Variants in ARHGEF10 observed in about 807,000 individuals in gnomAD.
The protein encoded by ARHGEF10 is Rho guanine nucleotide exchange factor 10, also known as Rho guanine nucleotide exchange factor (GEF) 10.
ARHGEF10 carries 140 observed loss-of-function variants against 147.4 expected under a neutral mutation model. The ratio of observed to expected loss-of-function variants is 0.95; its 90% CI spans 0.83 to 1.09. ARHGEF10 has a LOEUF of 1.09. Among genes scored for constraint, ARHGEF10 ranks in the 50% least tolerant of loss-of-function variants. ARHGEF10 has a pLI of 0.00. For synonymous variants in ARHGEF10, 902 were observed against 695.8 expected, an observed-to-expected ratio of 1.30 and a Z score of -4.67; for missense variants, 2,222 against 1,752.7, an observed-to-expected ratio of 1.27 and a Z score of -4.78.
At position 1,929,431 on chromosome 8, in the gene ARHGEF10, G is replaced by C. The variant is rs147809100; in HGVS notation, c.3067G>C (p.Ala1023Pro). The change falls in exon 25 of 29, where the codon GCC becomes CCC. Residue 1023 changes from alanine (A) to proline (P), a missense_variant. By Grantham distance (27) the Ala-to-Pro change is conservative. Coordinates refer to ENST00000349830, the MANE Select transcript of ARHGEF10 (RefSeq NM_014629.4). The part of the protein sequence containing the change: ...GLVNGAVASY[A>P]RAPDGSWDSE... ...GGTCAACGGGGCAGTCGCCAGCTAC[G>C]CCAGAGCCCCAGGTGAGGCGGGTCT... 54 of 1,608,562 alleles carry C rather than the reference G, an allele frequency of 3.4e-5. No individual in the cohort carries two copies. Among genetic ancestry groups the C allele is most frequent in the Non-Finnish European group, 4.2e-5 (50 of 1,177,464 alleles).
At chr8:1,907,076 G>A (rs894803517) in intron 17 of ARHGEF10, among the ~76,000 whole-genome samples, 2 of 152,190 alleles carry the variant, frequency 1.3e-5, no homozygotes, top group Non-Finnish European at 2.9e-5. Flanking sequence ...AGGAGCTGAC[G>A]GAGTGAGGCC....
chr8:1,844,684 G>C (rs961879744), intron 2 of ARHGEF10, among the ~76,000 whole-genome samples: 6 of 152,132 alleles, frequency 3.9e-5, no homozygotes, highest in African/African-American at 1.4e-4. Context: ...CGGTCTCCTT[G>C]CCTTTTTGTC....
In ARHGEF10 at chr8:1,876,706, C is replaced by T; in HGVS notation, c.815C>T (p.Ser272Phe). The change falls in exon 8 of 29, where the codon TCC becomes TTC. Residue 272 changes from serine (S) to phenylalanine (F), a missense_variant. Transcript: ENST00000349830. ...DSECKNGIPR[S>F]FLRSNHKKQL... is the part of the protein sequence containing the mutation. ...GAGTGCAAGAATGGGATTCCCAGGT[C>T]CTTCCTGCGCAGCAACCACAAAAAG... The T allele has an allele frequency of 1.2e-6, 2 of 1,614,158 alleles. No homozygotes were observed. Among genetic ancestry groups the T allele is most frequent in the African/African-American group, 1.3e-5 (1 of 75,042 alleles).
intron 4 of ARHGEF10, among the ~76,000 whole-genome samples, chr8:1,863,208 C>T (rs537596296): frequency 5.9e-5 from 9 of 152,132 alleles, no homozygotes; most frequent in African/African-American, 9.7e-5. Context: ...GAAGGTGGCC[C>T]GGAACACTGA....
chr8:1,880,983 G>A (rs1808142836), intron 9 of ARHGEF10, among the ~76,000 whole-genome samples: 1 of 152,212 alleles, frequency 6.6e-6, no homozygotes, highest in South Asian at 2.1e-4. Context: ...CCTGCAGGGT[G>A]TCTGATGGGA....
intron 13 of ARHGEF10, among the ~76,000 whole-genome samples, chr8:1,894,898 T>G (rs1809850052): frequency 6.6e-6 from 1 of 152,238 alleles, no homozygotes; most frequent in Admixed American, 6.5e-5. Flanking sequence ...TGAACAAGGA[T>G]GCCGTGTGTT....
At chr8:1,888,182 G>A (rs1449505917) in intron 11 of ARHGEF10, among the ~76,000 whole-genome samples, 5 of 67,764 alleles carry the variant, frequency 7.4e-5, no homozygotes, top group Middle Eastern at 7.6e-3. Flanking sequence ...AGTGAGTGGG[G>A]TGAGGGTTTG....
At chr8:1,837,048 G>A (rs753924394) in intron 1 of ARHGEF10, among the ~76,000 whole-genome samples, 8 of 152,222 alleles carry the variant, frequency 5.3e-5, no homozygotes, top group East Asian at 3.8e-4. Context: ...TATCAGCAGC[G>A]TGAAAGTGGA....
chr8:1,846,283 G>T (rs1804557367), intron 2 of ARHGEF10, among the ~76,000 whole-genome samples: 1 of 152,256 alleles, frequency 6.6e-6, no homozygotes, highest in Admixed American at 6.5e-5. Context: ...CAGTGCTCTG[G>T]CTTGGAAACT....
Position 1,889,725 on chromosome 8 carries a change from GTGAGGGTTGCGAGGAGACATTGAGTGGGA to G in ARHGEF10, c.1183-3834_1183-3806del, listed in dbSNP as rs1692176433. ...GGTTTGTGAGGAGACCCTGAGTGGA[GTGAGGGTTGCGAGGAGACATTGAGTGGGA>G]TGAGGGTTGTGAGGAGACACTGAGT... On this transcript the variant is annotated intron_variant, in intron 11 of 28. Coordinates refer to ENST00000349830, the MANE Select transcript of ARHGEF10 (RefSeq NM_014629.4). Among the ~76,000 whole-genome samples the G allele has an allele frequency of 5.2e-5, 6 of 115,214 alleles. 1 individual carries two copies. The highest frequency in any genetic ancestry group is 1.1e-4 in the Non-Finnish European group (6 of 55,318). The allele number at this position is 115,214 out of a possible 152,430, so 75.6% of individuals were successfully genotyped here.
At chr8:1,838,611 A>T (rs1803733734) in intron 1 of ARHGEF10, among the ~76,000 whole-genome samples, 1 of 152,220 alleles carries the variant, frequency 6.6e-6, no homozygotes. Context: ...AATATTTTTG[A>T]CTGAGGCTAA....
chr8:1,868,290 G>T (rs1287002386), intron 6 of ARHGEF10, among the ~76,000 whole-genome samples: 2 of 152,194 alleles, frequency 1.3e-5, no homozygotes, highest in Admixed American at 6.5e-5. Context: ...GTTCGGGTTT[G>T]TTGGTCTCAT....
intron 27 of ARHGEF10, among the ~76,000 whole-genome samples, chr8:1,947,161 C>T (rs1814656375): frequency 6.6e-6 from 1 of 152,128 alleles, no homozygotes; most frequent in Admixed American, 6.5e-5. Context: ...CCGTAATTGC[C>T]AAAGCACGCT....
At position 1,859,882 on chromosome 8, in the gene ARHGEF10, T is replaced by C. The variant is rs549270833; in HGVS notation, c.194-15T>C. ...TGGTGATGTGTCTGCTGACAAGTCC[T>C]TTCTGCATCCCCAGGAGGTGAGGAT... On this transcript the variant is annotated splice_polypyrimidine_tract_variant and intron_variant, in intron 3 of 28. Transcript: ENST00000349830. 9.3e-6 allele frequency: 15 copies of C among 1,613,910 alleles called. No individual in the cohort carries two copies. The highest frequency in any genetic ancestry group is 1.2e-5 in the Non-Finnish European group (14 of 1,180,006).
At chr8:1,877,686 C>G (rs1807823121) in intron 8 of ARHGEF10, among the ~76,000 whole-genome samples, 1 of 151,338 alleles carries the variant, frequency 6.6e-6, no homozygotes, top group Non-Finnish European at 1.5e-5. Flanking sequence ...GAGGCACCTC[C>G]CAGGTCTCGG....
intron 15 of ARHGEF10, among the ~76,000 whole-genome samples, chr8:1,902,693 G>C (rs1245172829): frequency 6.6e-6 from 1 of 152,170 alleles, no homozygotes; most frequent in African/African-American, 2.4e-5. Context: ...ACAGTCGCAG[G>C]AGGGCGTACC....
chr8:1,901,341 G>A (rs1478148276), intron 15 of ARHGEF10, among the ~76,000 whole-genome samples: 1 of 152,142 alleles, frequency 6.6e-6, no homozygotes, highest in Non-Finnish European at 1.5e-5. Context: ...CTCCGGTCTT[G>A]CCTGCGTTCT....
chr8:1,903,197 A>G (rs932975026), intron 15 of ARHGEF10, 84 bp from the exon 16 acceptor site: 6 of 1,540,382 alleles, frequency 3.9e-6, no homozygotes, highest in Non-Finnish European at 5.4e-6. Context: ...CCTCCTTTCC[A>G]TTGTCAGCTG....
chr8:1,869,280 A>C (rs750058083), intron 7 of ARHGEF10, 30 bp downstream of exon 7: 27 of 1,598,064 alleles, frequency 1.7e-5, no homozygotes, highest in Admixed American at 1.3e-4. Flanking sequence ...TGATTTGAGG[A>C]GATTCAGCTC....
Sources: gnomAD v4.1 joint callset for allele counts (sites outside exome capture counted in the v4.1 genomes callset) on GRCh38, gnomAD v4.1.1 for gene constraint, MANE v1.5 for transcripts, NCBI Gene and HGNC (gene_info 2026-07-23, HGNC 2026-07-21) for gene names.